ATP6V1D: variants seen among roughly 807,000 people sequenced by gnomAD.
ATP6V1D encodes V-type proton ATPase subunit D.
In ATP6V1D, 20 loss-of-function variants were observed where a neutral mutation model predicts 39.4. That is an observed-to-expected ratio of 0.51 (90% confidence interval 0.36 to 0.74). ATP6V1D has a LOEUF of 0.74. Among genes scored for constraint, ATP6V1D ranks in the 30% least tolerant of loss-of-function variants. The pLI, the probability that ATP6V1D is intolerant of heterozygous loss-of-function variation, is 0.00. For missense variants in ATP6V1D, 228 were observed against 291.6 expected (o/e 0.78, Z 1.59); for synonymous variants, 100 against 100.5 (o/e 0.99, Z 0.03).
At chr14:67,356,137 T>C (rs1312929693) in intron 1 of ATP6V1D, among the ~76,000 whole-genome samples, 2 of 152,016 alleles carry the variant, frequency 1.3e-5, no homozygotes, top group African/African-American at 4.8e-5. Flanking sequence ...TAAACTTTTT[T>C]GGCCAGGTGC....
In ATP6V1D at chr14:67,359,674, T is replaced by C. The variant is rs1310258347; in HGVS notation, c.25A>G (p.Ile9Val). The C allele has an allele frequency of 2.5e-6, 4 of 1,613,878 alleles. No homozygotes were observed. Among genetic ancestry groups the C allele is most frequent in the Non-Finnish European group, 3.4e-6 (4 of 1,180,016 alleles). Residue 9 changes from isoleucine to valine, a missense_variant, in exon 1 of 9, where the codon ATC becomes GTC. Ile to Val is a conservative substitution (Grantham distance 29). Around this residue, in one of 3 missense-constraint regions of ATP6V1D, gnomAD observed 104 missense variants for 120.2 expected, o/e 0.87. Transcript: ENST00000216442. ...TTTACTTACATTCGCGAGGGAAAGATTTCAATTCGGTCTTTGCCCGACATT... is the reference window on the plus strand; with the variant it reads ...TTTACTTACATTCGCGAGGGAAAGACTTCAATTCGGTCTTTGCCCGACATT... MSGKDRIE[I>V]FPSRMAQTIM...
At chr14:67,340,032 CAAAA>C (rs34358102) in intron 8 of ATP6V1D, 23 of 71,762 alleles carry the variant, frequency 3.2e-4, no homozygotes, top group Non-Finnish European at 5.2e-4. Flanking sequence ...CTCTGTCTCA[CAAAA>C]AAAAAAAAAA....
intron 8 of ATP6V1D, 174 bp downstream of exon 8, chr14:67,340,266 T>C (rs1184012106): frequency 3.5e-6 from 2 of 577,270 alleles, no homozygotes; most frequent in East Asian, 2.9e-5. Flanking sequence ...CATGTAAAAT[T>C]TGACAGATTT....
chr14:67,347,272 C>A, intron 5 of ATP6V1D, 137 bp downstream of exon 5: 2 of 702,298 alleles, frequency 2.8e-6, no homozygotes, highest in Non-Finnish European at 4.8e-6. Flanking sequence ...CAACTATTGT[C>A]CTGACTATAT....
chr14:67,353,227 T>G (rs773108901), intron 1 of ATP6V1D, among the ~76,000 whole-genome samples, 187 bp from the exon 2 acceptor site: 1 of 152,250 alleles, frequency 6.6e-6, no homozygotes, highest in Non-Finnish European at 1.5e-5. Context: ...CTTCATGTGT[T>G]GGAAACAATC....
At chr14:67,355,252 G>A (rs1198049520) in intron 1 of ATP6V1D, among the ~76,000 whole-genome samples, 1 of 151,816 alleles carries the variant, frequency 6.6e-6, no homozygotes, top group African/African-American at 2.4e-5. Flanking sequence ...ACATACGTAA[G>A]ATTCCTGAGA....
chr14:67,341,659 C>T (rs900320943), intron 7 of ATP6V1D, among the ~76,000 whole-genome samples: 4 of 152,172 alleles, frequency 2.6e-5, no homozygotes, highest in Non-Finnish European at 4.4e-5. Context: ...CCCCTCTGCC[C>T]GGCCACCACC....
intron 8 of ATP6V1D, among the ~76,000 whole-genome samples, chr14:67,339,091 C>T (rs1266784727): frequency 2.0e-5 from 3 of 148,958 alleles, no homozygotes; most frequent in African/African-American, 5.0e-5. Flanking sequence ...TCCACCTTTG[C>T]GTTCAAGCAA....
chr14:67,339,404 T>C (rs2085563200), intron 8 of ATP6V1D, among the ~76,000 whole-genome samples: 1 of 152,184 alleles, frequency 6.6e-6, no homozygotes, highest in Non-Finnish European at 1.5e-5. Flanking sequence ...CTGAGTATCA[T>C]GGAAGGACAG....
At chr14:67,353,725 A>C (rs936659018) in intron 1 of ATP6V1D, 6 of 152,246 alleles carry the variant, frequency 3.9e-5, no homozygotes, top group African/African-American at 1.5e-4. Flanking sequence ...TCTTGACTTT[A>C]AGTGATCTGC....
At chr14:67,339,877 T>C (rs555931745) in intron 8 of ATP6V1D, among the ~76,000 whole-genome samples, 1 of 152,062 alleles carries the variant, frequency 6.6e-6, no homozygotes, top group African/African-American at 2.4e-5. Context: ...GGCAGGTGGA[T>C]TGCTTGAGGT....
intron 1 of ATP6V1D, among the ~76,000 whole-genome samples, chr14:67,359,359 A>G (rs926989782): frequency 3.9e-5 from 6 of 152,196 alleles, no homozygotes; most frequent in African/African-American, 1.4e-4. Context: ...TGCCCGGCTC[A>G]ATAAGGGTAT....
intron 1 of ATP6V1D, among the ~76,000 whole-genome samples, chr14:67,358,059 C>G (rs1292991199): frequency 4.6e-5 from 7 of 152,096 alleles, no homozygotes; most frequent in Admixed American, 4.6e-4. Context: ...TAAATTCTCC[C>G]CCTAGCTTTG....
chr14:67,342,720 TATATC>T (rs1175173173), intron 7 of ATP6V1D, among the ~76,000 whole-genome samples: 15 of 150,878 alleles, frequency 9.9e-5, no homozygotes, highest in Middle Eastern at 7.0e-3. Context: ...ATATAGTTAA[TATATC>T]ATATTATACA....
intron 3 of ATP6V1D, 36 bp from the exon 4 acceptor site, chr14:67,349,140 C>A: frequency 1.3e-6 from 2 of 1,595,770 alleles, no homozygotes; most frequent in South Asian, 2.2e-5. Flanking sequence ...TTAGCAGACT[C>A]TTCAGAAATA....
At position 67,348,762 on chromosome 14, in the gene ATP6V1D, C is replaced by T. The variant is rs193265460; in HGVS notation, c.307+275G>A. 224 of 283,984 alleles carry T rather than the reference C, an allele frequency of 7.9e-4. 2 individuals are homozygous for T. In the East Asian group the frequency reaches 0.019, roughly 24 times the overall value. 17.6% of individuals were successfully genotyped at this position (283,984 alleles called of 1,614,324 possible). A position where few individuals can be genotyped will look rare whatever the true frequency, so the allele number is the denominator to read the frequency against. ...GTCTCGAACTCCTGACCTTGTGATT[C>T]GCCCACCTCGGCCTCCCAAAGTGCT... On this transcript the variant is annotated intron_variant, in intron 4 of 8. Transcript: ENST00000216442.
At chr14:67,356,934 A>G (rs993832624) in intron 1 of ATP6V1D, among the ~76,000 whole-genome samples, 10 of 152,376 alleles carry the variant, frequency 6.6e-5, no homozygotes, top group Non-Finnish European at 1.2e-4. Flanking sequence ...GTAGTACTGC[A>G]TATTCCAGCC....
chr14:67,359,539 TG>T, intron 1 of ATP6V1D, 118 bp downstream of exon 1: 1 of 1,168,120 alleles, frequency 8.6e-7, no homozygotes, highest in Non-Finnish European at 1.2e-6. Flanking sequence ...GAAAAGAACC[TG>T]GGAAAAGCTC....
intron 4 of ATP6V1D, among the ~76,000 whole-genome samples, chr14:67,348,256 TAG>T (rs1307412646): frequency 3.3e-5 from 5 of 151,886 alleles, no homozygotes; most frequent in Admixed American, 6.6e-5. Context: ...GTATTTTTAG[TAG>T]AGACAGGATT....
Sources: gnomAD v4.1 joint callset for allele counts (sites outside exome capture counted in the v4.1 genomes callset) on GRCh38, gnomAD v4.1.1 for gene constraint, gnomAD v4.1.1 regional missense constraint, MANE v1.5 for transcripts, NCBI Gene and HGNC (gene_info 2026-07-23, HGNC 2026-07-21) for gene names.